QRSL1: variants seen among roughly 807,000 people sequenced by gnomAD.
QRSL1 encodes glutamyl-tRNA(Gln) amidotransferase subunit A, mitochondrial.
A neutral mutation model predicts 61.6 loss-of-function variants in QRSL1; 54 were observed. The observed-to-expected ratio is 0.88, with a 90% CI of 0.70 to 1.10. The LOEUF (loss-of-function observed/expected upper bound fraction) is 1.10, where lower values mean the gene tolerates loss of function less well. Among genes scored for constraint, QRSL1 ranks in the 50% least tolerant of loss-of-function variants. The pLI is 0.00. For synonymous variants in QRSL1, 228 were observed against 225.7 expected, an observed-to-expected ratio of 1.01 and a Z score of -0.09; for missense variants, 505 against 622.6, an observed-to-expected ratio of 0.81 and a Z score of 2.01.
chr6:106,639,116 GTTGTTTTTTTTTT>G (rs1400700595), intron 1 of QRSL1, among the ~76,000 whole-genome samples: 4 of 54,358 alleles, frequency 7.4e-5, no homozygotes, highest in African/African-American at 2.7e-4. Context: ...TGTGTGTTTT[GTTGTTTTTTTTTT>G]TTTTTTTTTT....
At chr6:106,632,363 T>C (rs1776850440) in intron 1 of QRSL1, among the ~76,000 whole-genome samples, 1 of 152,006 alleles carries the variant, frequency 6.6e-6, no homozygotes, top group Non-Finnish European at 1.5e-5. Flanking sequence ...ATGGTAGTTC[T>C]ATTTTTATTT....
rs1301383696 is a variant in QRSL1 at position 106,643,604 on chromosome 6, C to G, written c.380+514C>G. On this transcript the variant is annotated intron_variant, in intron 4 of 10. Transcript: ENST00000369046. The stretch of plus-strand genomic sequence containing the variant: ...CTGAGGCGGGAGAATCGCTTGAACC[C>G]GGGAGGCGGAGGTTGCAGTGAGCCG... 2.6e-5 allele frequency among the ~76,000 whole-genome samples: 4 copies of G among 151,136 alleles called. 1 individual carries two copies. The highest frequency in any genetic ancestry group is 5.9e-5 in the Non-Finnish European group (4 of 67,900).
At chr6:106,663,521 C>A (rs1361458518) in intron 10 of QRSL1, among the ~76,000 whole-genome samples, 1 of 152,110 alleles carries the variant, frequency 6.6e-6, no homozygotes, top group Non-Finnish European at 1.5e-5. Flanking sequence ...CTTACATGGC[C>A]CAGCCCAAGC....
rs1206531551 is a variant in QRSL1 at position 106,666,036 on chromosome 6, G to A, written c.*34G>A. ...TACAAATTAAAATGACTTTTAGGCT[G>A]GGTGCAGTGGCTCACACCTGTAATC... On this transcript the variant is annotated 3_prime_UTR_variant, in exon 11 of 11. Transcript: ENST00000369046. 3.8e-6 allele frequency: 6 copies of A among 1,569,498 alleles called. No individual in the cohort carries two copies. In the African/African-American group the frequency reaches 5.4e-5, roughly 14 times the overall value.
intron 3 of QRSL1, among the ~76,000 whole-genome samples, chr6:106,642,161 A>C (rs1220558259): frequency 2.0e-5 from 3 of 152,078 alleles, no homozygotes; most frequent in Non-Finnish European, 4.4e-5. Context: ...GGTTCAAGTG[A>C]TTCTCCTGTC....
chr6:106,656,065 G>A (rs1320302701), intron 9 of QRSL1, among the ~76,000 whole-genome samples: 1 of 152,128 alleles, frequency 6.6e-6, no homozygotes, highest in African/African-American at 2.4e-5. Flanking sequence ...GCAATACAGT[G>A]TAACAACTAT....
intron 3 of QRSL1, among the ~76,000 whole-genome samples, chr6:106,642,298 C>T (rs1345055573): frequency 6.6e-6 from 1 of 152,198 alleles, no homozygotes; most frequent in African/African-American, 2.4e-5. Flanking sequence ...TCAGGTGATC[C>T]GCCTGTCTTG....
At chr6:106,662,147 C>T (rs3104038) in intron 9 of QRSL1, among the ~76,000 whole-genome samples, 52,036 of 151,966 alleles carry the variant, frequency 0.34, 9,472 homozygotes, top group Non-Finnish European at 0.41. Context: ...AATAAGCATT[C>T]TTGAATTTCA....
chr6:106,658,152 C>A (rs1333222724), intron 9 of QRSL1, among the ~76,000 whole-genome samples: 2 of 151,536 alleles, frequency 1.3e-5, no homozygotes, highest in African/African-American at 4.9e-5. Context: ...TAATTTTTCT[C>A]TTAAAAAGAT....
rs141006154 is a variant in QRSL1 at position 106,631,432 on chromosome 6, T to A, written c.24+1727T>A. ...TGTGTAATATTGTAAACTATGTGCC[T>A]ATTCAAGAAGGTTGAGGCAAGGGAT... On this transcript the variant is annotated intron_variant, in intron 1 of 10. Transcript: ENST00000369046. Among the ~76,000 whole-genome samples the A allele has an allele frequency of 1.2e-3, 178 of 152,340 alleles. 2 individuals carry two copies. The highest frequency in any genetic ancestry group is 4.1e-3 in the African/African-American group (171 of 41,576).
intron 5 of QRSL1, among the ~76,000 whole-genome samples, chr6:106,650,906 C>A (rs965869204): frequency 2.0e-5 from 3 of 152,120 alleles, no homozygotes; most frequent in Admixed American, 2.0e-4. Flanking sequence ...TACTGTTCTA[C>A]AGCACAACTT....
At chr6:106,642,476 G>A (rs1562166327) in intron 3 of QRSL1, 1 of 670,828 alleles carries the variant, frequency 1.5e-6, no homozygotes, top group Non-Finnish European at 2.7e-6. Context: ...AACACAAAGG[G>A]AAAGAGGAGA....
chr6:106,638,573 G>C (rs1776959488), intron 1 of QRSL1, among the ~76,000 whole-genome samples: 1 of 152,132 alleles, frequency 6.6e-6, no homozygotes, highest in African/African-American at 2.4e-5. Context: ...CAAAGTGCTG[G>C]GATTACAGGC....
chr6:106,657,832 G>A (rs553191383), intron 9 of QRSL1, among the ~76,000 whole-genome samples: 1 of 152,138 alleles, frequency 6.6e-6, no homozygotes, highest in Non-Finnish European at 1.5e-5. Context: ...AGCATCCTGA[G>A]TAGCTGGGAC....
At chr6:106,648,948 A>C in intron 4 of QRSL1, 77 bp from the exon 5 acceptor site, 1 of 1,456,120 alleles carries the variant, frequency 6.9e-7, no homozygotes, top group Non-Finnish European at 9.3e-7. Context: ...GTCAGAAGCA[A>C]ATAATATACT....
At chr6:106,634,256 G>C (rs1440712247) in intron 1 of QRSL1, among the ~76,000 whole-genome samples, 1 of 152,210 alleles carries the variant, frequency 6.6e-6, no homozygotes. Flanking sequence ...GGAGAGAAGT[G>C]AATGAGGAGA....
intron 9 of QRSL1, among the ~76,000 whole-genome samples, chr6:106,656,338 C>T (rs1022504826): frequency 1.3e-5 from 2 of 152,160 alleles, no homozygotes; most frequent in African/African-American, 4.8e-5. Context: ...GCTGTTAGAG[C>T]CTTAAGCAGA....
chr6:106,648,156 C>T (rs1173201683), intron 4 of QRSL1, among the ~76,000 whole-genome samples: 1 of 151,540 alleles, frequency 6.6e-6, no homozygotes, highest in Non-Finnish European at 1.5e-5. Flanking sequence ...ATTAGCCCGG[C>T]GTGATGGCAC....
intron 1 of QRSL1, among the ~76,000 whole-genome samples, chr6:106,630,121 G>T (rs913977137): frequency 6.6e-6 from 1 of 152,134 alleles, no homozygotes; most frequent in African/African-American, 2.4e-5. Context: ...GTAATTTTTG[G>T]CTTTTTTCAA....
Sources: allele counts gnomAD v4.1 joint callset (sites outside exome capture counted in the v4.1 genomes callset), GRCh38; gene constraint gnomAD v4.1.1; transcripts MANE v1.5; gene names NCBI Gene and HGNC (gene_info 2026-07-23, HGNC 2026-07-21).